ZDHHC2: variants seen among roughly 807,000 people sequenced by gnomAD.
The protein encoded by ZDHHC2 is palmitoyltransferase ZDHHC2.
ZDHHC2 carries 51 observed loss-of-function variants against 55.6 expected under a neutral mutation model. The observed-to-expected ratio is 0.92, with a 90% CI of 0.73 to 1.16. The LOEUF is 1.16. ZDHHC2 is among the 50% of genes most tolerant of loss of function. The pLI is 0.00. For synonymous variants in ZDHHC2, 199 were observed against 152.9 expected, an observed-to-expected ratio of 1.30 and a Z score of -2.22; for missense variants, 491 against 442.4, an observed-to-expected ratio of 1.11 and a Z score of -0.99.
chr8:17,198,302 C>T, intron 5 of ZDHHC2, 79 bp from the exon 6 acceptor site: 4 of 1,340,382 alleles, frequency 3.0e-6, no homozygotes, highest in Middle Eastern at 2.5e-4. Context: ...TTTGAACTAA[C>T]CATAATTTAT....
At chr8:17,175,086 C>A (rs1393364930) in intron 1 of ZDHHC2, among the ~76,000 whole-genome samples, 1 of 152,202 alleles carries the variant, frequency 6.6e-6, no homozygotes, top group South Asian at 2.1e-4. Flanking sequence ...TTCCATCGTT[C>A]TTTGATAATT....
intron 8 of ZDHHC2, among the ~76,000 whole-genome samples, chr8:17,208,342 A>G (rs1247901983): frequency 2.0e-5 from 3 of 150,744 alleles, no homozygotes; most frequent in Non-Finnish European, 1.5e-5. Flanking sequence ...ATATATAGAT[A>G]TAGTGGCATA....
At chr8:17,188,357 T>G (rs545604620) in intron 3 of ZDHHC2, among the ~76,000 whole-genome samples, 10 of 129,188 alleles carry the variant, frequency 7.7e-5, no homozygotes, top group African/African-American at 2.0e-4. Flanking sequence ...GAAAGCTCAG[T>G]CTCTTCTGCC....
intron 1 of ZDHHC2, among the ~76,000 whole-genome samples, chr8:17,180,714 G>C (rs772496147): frequency 2.6e-5 from 4 of 152,210 alleles, no homozygotes; most frequent in African/African-American, 4.8e-5. Context: ...GAATAAGTGG[G>C]ATAGCTTATG....
At chr8:17,179,924 G>T (rs528306561) in intron 1 of ZDHHC2, among the ~76,000 whole-genome samples, 6 of 152,156 alleles carry the variant, frequency 3.9e-5, no homozygotes, top group Non-Finnish European at 8.8e-5. Context: ...TCATTGTAGG[G>T]CATGGACCAA....
chr8:17,210,178 A>T (rs562509213), intron 9 of ZDHHC2, 120 bp downstream of exon 9: 2 of 1,229,508 alleles, frequency 1.6e-6, no homozygotes, highest in Admixed American at 2.9e-5. Flanking sequence ...TCTTATTTTT[A>T]AAAAATATTA....
At chr8:17,211,874 C>G (rs1807400686) in intron 10 of ZDHHC2, among the ~76,000 whole-genome samples, 1 of 151,972 alleles carries the variant, frequency 6.6e-6, no homozygotes, top group African/African-American at 2.4e-5. Flanking sequence ...TACCTCAATG[C>G]AGAAAAATCT....
At chr8:17,190,765 A>G (rs1315981943) in intron 3 of ZDHHC2, among the ~76,000 whole-genome samples, 1 of 152,030 alleles carries the variant, frequency 6.6e-6, no homozygotes, top group East Asian at 1.9e-4. Flanking sequence ...TACCTGAGGT[A>G]TTTTGATACA....
chr8:17,203,063 C>CTTTT (rs10673416), intron 6 of ZDHHC2, among the ~76,000 whole-genome samples: 1,571 of 126,764 alleles, frequency 0.012, 69 homozygotes, highest in African/African-American at 0.029. Flanking sequence ...TGTCCAAAGT[C>CTTTT]TTTTTTTTTT....
chr8:17,219,902 G>A (rs1401546752), intron 12 of ZDHHC2, among the ~76,000 whole-genome samples: 1 of 152,180 alleles, frequency 6.6e-6, no homozygotes, highest in East Asian at 1.9e-4. Context: ...TCAGATGAAT[G>A]CAGAACTAAC....
At chr8:17,201,599 T>G (rs1806774517) in intron 6 of ZDHHC2, among the ~76,000 whole-genome samples, 2 of 146,764 alleles carry the variant, frequency 1.4e-5, no homozygotes, top group South Asian at 4.6e-4. Flanking sequence ...TTCATGCCAT[T>G]CTCCTGCCTC....
chr8:17,176,632 C>A (rs1805147068), intron 1 of ZDHHC2, among the ~76,000 whole-genome samples: 1 of 152,216 alleles, frequency 6.6e-6, no homozygotes, highest in Admixed American at 6.5e-5. Flanking sequence ...AGGTCTCCTA[C>A]CACCCAGTTC....
chr8:17,194,273 C>T (rs917077397), intron 3 of ZDHHC2, among the ~76,000 whole-genome samples: 2 of 150,730 alleles, frequency 1.3e-5, no homozygotes, highest in African/African-American at 4.9e-5. Context: ...TGACATATCA[C>T]TTTTAAAGTT....
rs539260495 is a variant in ZDHHC2, at chr8:17,191,431, C to T, written c.253-4073C>T. Among the ~76,000 whole-genome samples, 42 of 152,312 alleles carry T rather than the reference C, an allele frequency of 2.8e-4. 1 individual carries two copies. Among genetic ancestry groups the T allele is most frequent in the Admixed American group, 2.1e-3 (32 of 15,288 alleles). On this transcript the variant is annotated intron_variant, in intron 3 of 12. Transcript: ENST00000262096. ...CTTTCTAACTTTTTTGGTTTTGTTA[C>T]CGTTAACTTTCCCCACTTATGTCCA...
chr8:17,181,645 A>C (rs936844989), intron 1 of ZDHHC2, among the ~76,000 whole-genome samples: 6 of 152,214 alleles, frequency 3.9e-5, no homozygotes, highest in African/African-American at 1.4e-4. Context: ...TCTGTGAAGT[A>C]AGAAAATTAA....
rs1585735297 is a variant in ZDHHC2 at position 17,210,062 on chromosome 8, C to T, written c.857+4C>T. 3 of 1,589,912 alleles carry T rather than the reference C, an allele frequency of 1.9e-6. No homozygotes were observed. Among genetic ancestry groups the T allele is most frequent in the Non-Finnish European group, 2.6e-6 (3 of 1,167,542 alleles). On this transcript the variant is annotated splice_donor_region_variant and intron_variant, in intron 9 of 12. Coordinates refer to ENST00000262096, the MANE Select transcript of ZDHHC2 (RefSeq NM_016353.5). ...GGTTGCTACCCATTTTTTCAAGGTA[C>T]TTCTTTGTTAAAATTTTCAGGCTTT...
Position 17,156,838 on chromosome 8 carries a change from A to G in ZDHHC2, c.115A>G (p.Ile39Val), listed in dbSNP as rs1432539145. The G allele has an allele frequency of 4.6e-6, 7 of 1,516,010 alleles. No individual in the cohort carries two copies. The highest frequency in any genetic ancestry group is 1.4e-5 in the African/African-American group (1 of 69,736). The allele number at this position is 1,516,010 out of a possible 1,614,324, so 93.9% of individuals were successfully genotyped here. A position where few individuals can be genotyped will look rare whatever the true frequency, so the allele number is the denominator to read the frequency against. The change falls in exon 1 of 13, where the codon ATC becomes GTC. Residue 39 changes from isoleucine to valine, a missense_variant. Ile to Val is a conservative substitution (Grantham distance 29). Transcript: ENST00000262096. Reference sequence around the variant, plus strand: ...CGGCTGGTCCTACTACGCCTACGCCATCCAGCTGTGCATAGGTGAGTGCGC... The same window carrying G: ...CGGCTGGTCCTACTACGCCTACGCCGTCCAGCTGTGCATAGGTGAGTGCGC... ...LLGWSYYAYA[I>V]QLCIVSMENT...
At chr8:17,200,824 A>G (rs1240917906) in intron 6 of ZDHHC2, among the ~76,000 whole-genome samples, 3 of 152,096 alleles carry the variant, frequency 2.0e-5, no homozygotes, top group Non-Finnish European at 4.4e-5. Context: ...CTGTTACTCC[A>G]CCCTTAGGTG....
chr8:17,201,306 TTGAATC>T (rs1453756214), intron 6 of ZDHHC2, among the ~76,000 whole-genome samples: 1 of 151,990 alleles, frequency 6.6e-6, no homozygotes, highest in Non-Finnish European at 1.5e-5. Flanking sequence ...ACACTATTGA[TTGAATC>T]TGTTTCTTTT....
Sources: gnomAD v4.1 joint callset for allele counts (sites outside exome capture counted in the v4.1 genomes callset) on GRCh38, gnomAD v4.1.1 for gene constraint, MANE v1.5 for transcripts, NCBI Gene and HGNC (gene_info 2026-07-23, HGNC 2026-07-21) for gene names.